KCNH7: variants seen among roughly 807,000 people sequenced by gnomAD.
The protein encoded by KCNH7 is potassium voltage-gated channel subfamily H member 7.
In KCNH7, 49 loss-of-function variants were observed where a neutral mutation model predicts 120.8. That is an observed-to-expected ratio of 0.41 (90% confidence interval 0.32 to 0.51). The LOEUF (loss-of-function observed/expected upper bound fraction) is 0.51. Among genes scored for constraint, KCNH7 ranks in the 20% least tolerant of loss-of-function variants. The pLI is 0.38. For synonymous variants in KCNH7, 547 were observed against 516.1 expected (o/e 1.06, Z -0.81); for missense variants, 1,097 against 1,446.6 (o/e 0.76, Z 3.92).
intron 6 of KCNH7, among the ~76,000 whole-genome samples, chr2:162,484,865 G>A (rs746951909): frequency 4.6e-5 from 7 of 151,966 alleles, no homozygotes; most frequent in Non-Finnish European, 8.8e-5. Flanking sequence ...GCTCCTCTTC[G>A]CCTTCCATCA....
intron 2 of KCNH7, among the ~76,000 whole-genome samples, chr2:162,543,796 G>A (rs529139421): frequency 6.6e-6 from 1 of 152,068 alleles, no homozygotes; most frequent in Non-Finnish European, 1.5e-5. Flanking sequence ...TTAATACTGT[G>A]GGGAAGGTCA....
At chr2:162,493,898 A>G (rs1690408386) in intron 6 of KCNH7, among the ~76,000 whole-genome samples, 1 of 152,204 alleles carries the variant, frequency 6.6e-6, no homozygotes, top group Non-Finnish European at 1.5e-5. Flanking sequence ...ATTTGTAAAA[A>G]AGAATCTTGC....
chr2:162,782,079 A>G (rs1265003122), intron 2 of KCNH7, among the ~76,000 whole-genome samples: 1 of 152,220 alleles, frequency 6.6e-6, no homozygotes, highest in Admixed American at 6.5e-5. Flanking sequence ...AATAGATCAA[A>G]TGATTTTGTA....
chr2:162,809,835 A>G (rs1423392550), intron 2 of KCNH7, among the ~76,000 whole-genome samples: 1 of 152,112 alleles, frequency 6.6e-6, no homozygotes, highest in African/African-American at 2.4e-5. Flanking sequence ...TGATTTGTAA[A>G]AGTTTTTATA....
intron 2 of KCNH7, among the ~76,000 whole-genome samples, chr2:162,752,744 C>G (rs772720243): frequency 2.0e-5 from 3 of 150,856 alleles, no homozygotes; most frequent in African/African-American, 7.3e-5. Flanking sequence ...ACTAAAATGA[C>G]AAAAATTAGC....
intron 6 of KCNH7, among the ~76,000 whole-genome samples, chr2:162,473,059 C>T (rs764758624): frequency 1.1e-4 from 16 of 151,160 alleles, no homozygotes; most frequent in African/African-American, 2.7e-4. Flanking sequence ...CACCACACAC[C>T]GGGGCCTGTT....
At chr2:162,777,201 C>T (rs922163291) in intron 2 of KCNH7, among the ~76,000 whole-genome samples, 7 of 152,016 alleles carry the variant, frequency 4.6e-5, no homozygotes, top group African/African-American at 1.4e-4. Flanking sequence ...TCCAGGAACC[C>T]CCACAGATAA....
At chr2:162,401,968 G>A (rs564088438) in intron 9 of KCNH7, among the ~76,000 whole-genome samples, 15 of 151,832 alleles carry the variant, frequency 9.9e-5, no homozygotes, top group East Asian at 3.9e-4. Context: ...CATCCAGCTC[G>A]GTGCTGCTAC....
At chr2:162,523,543 T>C (rs1691601275) in intron 3 of KCNH7, among the ~76,000 whole-genome samples, 3 of 151,702 alleles carry the variant, frequency 2.0e-5, no homozygotes, top group South Asian at 4.2e-4. Context: ...TCTCTCCCTC[T>C]TTCTCTCTCT....
chr2:162,785,327 A>G (rs1683657252), intron 2 of KCNH7, among the ~76,000 whole-genome samples: 1 of 152,260 alleles, frequency 6.6e-6, no homozygotes, highest in Non-Finnish European at 1.5e-5. Flanking sequence ...TACACCAGTT[A>G]GCAATATCTG....
chr2:162,620,428 C>A (rs1008353884), intron 2 of KCNH7, among the ~76,000 whole-genome samples: 3 of 151,864 alleles, frequency 2.0e-5, no homozygotes, highest in Admixed American at 6.6e-5. Context: ...TTTCTTTAGA[C>A]CTTTATTTCT....
At chr2:162,784,415 T>C (rs1683624868) in intron 2 of KCNH7, among the ~76,000 whole-genome samples, 1 of 152,134 alleles carries the variant, frequency 6.6e-6, no homozygotes, top group African/African-American at 2.4e-5. Flanking sequence ...TCCTTCAACC[T>C]CTGTCATGTT....
At chr2:162,836,868 T>G in intron 1 of KCNH7, 101 bp from the exon 2 acceptor site, 1 of 759,426 alleles carries the variant, frequency 1.3e-6, no homozygotes, top group Non-Finnish European at 2.1e-6. Context: ...GAAATGCAGG[T>G]GCCTCCCCAA....
At chr2:162,569,361 G>T (rs1377692835) in intron 2 of KCNH7, among the ~76,000 whole-genome samples, 1 of 151,142 alleles carries the variant, frequency 6.6e-6, no homozygotes. Flanking sequence ...TATTTCTGTG[G>T]GATCGGTGGT....
chr2:162,423,315 T>A, intron 9 of KCNH7, 21 bp downstream of exon 9: 1 of 1,614,020 alleles, frequency 6.2e-7, no homozygotes, highest in Admixed American at 1.7e-5. Context: ...CACTTTCATT[T>A]TGGAAAACAG....
intron 2 of KCNH7, among the ~76,000 whole-genome samples, chr2:162,644,592 C>A (rs116460189): frequency 0.024 from 3,598 of 152,260 alleles, 77 homozygotes; most frequent in Non-Finnish European, 0.036. Context: ...TCTATCAATA[C>A]TTCGCTAGTA....
intron 2 of KCNH7, among the ~76,000 whole-genome samples, chr2:162,805,889 T>TAAAAAGGAATGA (rs1271586882): frequency 6.6e-6 from 1 of 152,098 alleles, no homozygotes; most frequent in African/African-American, 2.4e-5. Context: ...CAGCACAGAA[T>TAAAAAGGAATGA]ACTACTCAGA....
intron 2 of KCNH7, among the ~76,000 whole-genome samples, chr2:162,695,658 T>C (rs1686265101): frequency 6.6e-6 from 1 of 152,126 alleles, no homozygotes; most frequent in African/African-American, 2.4e-5. Context: ...TTTTGCCTGG[T>C]ATAATGGTGA....
chr2:162,714,969 T>C (rs1347411846), intron 2 of KCNH7, among the ~76,000 whole-genome samples: 1 of 152,188 alleles, frequency 6.6e-6, no homozygotes, highest in African/African-American at 2.4e-5. Flanking sequence ...TTGTTATAAA[T>C]GTCATGCTAA....
Sources: allele counts gnomAD v4.1 joint callset (sites outside exome capture counted in the v4.1 genomes callset), GRCh38; gene constraint gnomAD v4.1.1; transcripts MANE v1.5; gene names NCBI Gene and HGNC (gene_info 2026-07-23, HGNC 2026-07-21).